The following KCNH5 variants were observed in gnomAD, a reference collection of about 807,000 sequenced individuals.
The protein encoded by KCNH5 is voltage-gated delayed rectifier potassium channel KCNH5.
A neutral mutation model predicts 96.1 loss-of-function variants in KCNH5; 46 were observed. The ratio of observed to expected loss-of-function variants is 0.48; its 90% confidence interval spans 0.38 to 0.61. KCNH5 has a LOEUF of 0.61. Among genes scored for constraint, KCNH5 ranks in the 20% least tolerant of loss-of-function variants. The pLI is 0.00. For missense variants in KCNH5, 907 were observed against 1,225.8 expected, an observed-to-expected ratio of 0.74 and a Z score of 3.88; for synonymous variants, 439 against 449.8, an observed-to-expected ratio of 0.98 and a Z score of 0.30.
At chr14:62,920,489 C>G (rs1354497109) in intron 7 of KCNH5, among the ~76,000 whole-genome samples, 2 of 151,970 alleles carry the variant, frequency 1.3e-5, no homozygotes, top group African/African-American at 4.8e-5. Context: ...GGTACAAAAC[C>G]CTCACATAAC....
At chr14:62,953,189 C>T (rs1198580524) in intron 6 of KCNH5, among the ~76,000 whole-genome samples, 2 of 151,484 alleles carry the variant, frequency 1.3e-5, no homozygotes, top group African/African-American at 4.8e-5. Context: ...GTAATATATA[C>T]ACATATATAT....
At chr14:62,901,028 G>A (rs1011601832) in intron 7 of KCNH5, among the ~76,000 whole-genome samples, 31 of 151,914 alleles carry the variant, frequency 2.0e-4, no homozygotes, top group Middle Eastern at 3.4e-3. Context: ...TTGCTCTGTC[G>A]CCCAGGCTGG....
intron 10 of KCNH5, among the ~76,000 whole-genome samples, chr14:62,716,485 C>A (rs1566637300): frequency 6.6e-6 from 1 of 152,182 alleles, no homozygotes; most frequent in Non-Finnish European, 1.5e-5. Context: ...TTGGCCTCCA[C>A]ACACCTGCCA....
At chr14:62,853,494 A>ATATATGATATATATATATATATATG (rs375695583) in intron 7 of KCNH5, among the ~76,000 whole-genome samples, 2 of 102,122 alleles carry the variant, frequency 2.0e-5, no homozygotes, top group African/African-American at 6.9e-5. Context: ...ATATATATAT[A>ATATATGATATATATATATATATATG]ATCTTGGCCA....
chr14:63,035,917 C>T (rs1039795441), intron 1 of KCNH5, among the ~76,000 whole-genome samples: 3 of 152,162 alleles, frequency 2.0e-5, no homozygotes, highest in African/African-American at 7.2e-5. Flanking sequence ...TCTGGAGAGC[C>T]TCAGTGTGTC....
At chr14:62,915,427 A>G (rs1216860675) in intron 7 of KCNH5, among the ~76,000 whole-genome samples, 9 of 152,208 alleles carry the variant, frequency 5.9e-5, no homozygotes, top group African/African-American at 2.2e-4. Flanking sequence ...TCTTATGGGT[A>G]GCATGCTTAT....
chr14:62,785,849 G>C (rs1311683578), intron 9 of KCNH5, among the ~76,000 whole-genome samples: 6 of 152,152 alleles, frequency 3.9e-5, no homozygotes, highest in Non-Finnish European at 8.8e-5. Context: ...TCAAATGTGA[G>C]ACACATTATT....
At position 62,773,743 on chromosome 14, in the gene KCNH5, T is replaced by C. The variant is rs561344241; in HGVS notation, c.2019+5985A>G. On this transcript the variant is annotated intron_variant, in intron 10 of 10. Transcript: ENST00000322893. ...AATTTAAAATCTCAGGCATGCTTAT[T>C]GTAGCCAGCAGTATTCATGTAACAT... Among the ~76,000 whole-genome samples, 17 of 152,368 alleles carry C rather than the reference T, an allele frequency of 1.1e-4. No individual in the cohort carries two copies. In the East Asian group the frequency reaches 3.3e-3, roughly 29 times the overall value.
At chr14:62,925,180 C>T (rs1485745105) in intron 7 of KCNH5, among the ~76,000 whole-genome samples, 1 of 151,694 alleles carries the variant, frequency 6.6e-6, no homozygotes, top group Non-Finnish European at 1.5e-5. Flanking sequence ...TGTTGGTTAA[C>T]CAGAATTTAG....
intron 10 of KCNH5, among the ~76,000 whole-genome samples, chr14:62,754,366 C>T (rs1885571702): frequency 6.6e-6 from 1 of 151,366 alleles, no homozygotes; most frequent in Non-Finnish European, 1.5e-5. Context: ...AAACACATAA[C>T]AAAAAGGCAG....
chr14:62,830,463 G>A (rs1481733385), intron 8 of KCNH5, among the ~76,000 whole-genome samples: 1 of 152,150 alleles, frequency 6.6e-6, no homozygotes, highest in Non-Finnish European at 1.5e-5. Context: ...GCATGCTGAG[G>A]AGGCCTCAGG....
chr14:62,847,228 T>C (rs1887718782), intron 8 of KCNH5, among the ~76,000 whole-genome samples: 1 of 150,740 alleles, frequency 6.6e-6, no homozygotes, highest in Admixed American at 6.6e-5. Context: ...TCTTCTGCTC[T>C]AGTTGTCAGG....
chr14:62,733,404 A>C (rs1412573481), intron 10 of KCNH5, among the ~76,000 whole-genome samples: 1 of 152,144 alleles, frequency 6.6e-6, no homozygotes, highest in Admixed American at 6.6e-5. Context: ...CAGTCATCAC[A>C]AACCAGGAAA....
chr14:62,918,399 TAATA>T lies in KCNH5; in HGVS notation c.1369+31730_1369+31733del, dbSNP rs781590360. Among the ~76,000 whole-genome samples, 379 of 152,100 alleles carry T rather than the reference TAATA, an allele frequency of 2.5e-3. 5 individuals carry two copies. Among genetic ancestry groups the T allele is most frequent in the South Asian group, 7.7e-3 (37 of 4,824 alleles). ...AAATTTAAAATTTCTACGTGGCAAATAATAAATAAATAAATAGTTACTAAAATAG... is the reference window on the plus strand; with the variant it reads ...AAATTTAAAATTTCTACGTGGCAAATAATAAATAAATAGTTACTAAAATAG... On this transcript the variant is annotated intron_variant, in intron 7 of 10. Transcript: ENST00000322893.
At chr14:63,035,230 T>C (rs1891701043) in intron 1 of KCNH5, among the ~76,000 whole-genome samples, 1 of 152,218 alleles carries the variant, frequency 6.6e-6, no homozygotes, top group African/African-American at 2.4e-5. Flanking sequence ...GACTGCATCT[T>C]TTCTGAGGAG....
chr14:62,803,504 T>A (rs929612821), intron 8 of KCNH5, among the ~76,000 whole-genome samples: 1 of 152,184 alleles, frequency 6.6e-6, no homozygotes, highest in African/African-American at 2.4e-5. Flanking sequence ...ATGTCAGTGC[T>A]GGCAGGGTGG....
intron 1 of KCNH5, among the ~76,000 whole-genome samples, chr14:63,032,949 T>C (rs1485175204): frequency 2.6e-5 from 4 of 152,142 alleles, no homozygotes; most frequent in African/African-American, 9.7e-5. Context: ...ACGCAAATGC[T>C]TGGGCCAAAA....
chr14:62,884,299 A>G (rs763052409), intron 7 of KCNH5, among the ~76,000 whole-genome samples: 3 of 152,186 alleles, frequency 2.0e-5, no homozygotes, highest in Non-Finnish European at 4.4e-5. Context: ...TTGACTTAGA[A>G]ATGAAAATTA....
intron 8 of KCNH5, among the ~76,000 whole-genome samples, chr14:62,822,090 C>G (rs1296372765): frequency 2.0e-5 from 3 of 151,950 alleles, no homozygotes; most frequent in Non-Finnish European, 2.9e-5. Flanking sequence ...GAGCTGTATC[C>G]TAAAAATTAC....
Sources: allele counts gnomAD v4.1 joint callset (sites outside exome capture counted in the v4.1 genomes callset), GRCh38; gene constraint gnomAD v4.1.1; transcripts MANE v1.5; gene names NCBI Gene and HGNC (gene_info 2026-07-23, HGNC 2026-07-21).